Variants in EFR3B observed in about 807,000 individuals in gnomAD.
EFR3B encodes the protein EFR3 homolog B, also known as protein EFR3 homolog B.
In EFR3B, 64 loss-of-function variants were observed where a neutral mutation model predicts 104.7. The observed-to-expected ratio is 0.61, with a 90% CI of 0.50 to 0.75. The LOEUF (loss-of-function observed/expected upper bound fraction) is 0.75, where lower values mean the gene tolerates loss of function less well. Among genes scored for constraint, EFR3B ranks in the 30% least tolerant of loss-of-function variants. EFR3B has a pLI of 0.00. For missense variants in EFR3B, 750 were observed against 1,078.5 expected, an observed-to-expected ratio of 0.70 and a Z score of 4.27; for synonymous variants, 385 against 417.9, an observed-to-expected ratio of 0.92 and a Z score of 0.96.
In EFR3B at chr2:25,156,674, T is replaced by C. The variant is rs775908460; in HGVS notation, c.*2334T>C. ...TCCTGCACCCCCAAGGCTTTTTGGC[T>C]GTGCTTTATGGCCTCTGGCTTATAC... is the stretch of plus-strand genomic sequence containing the variant. On this transcript the variant is annotated 3_prime_UTR_variant, in exon 23 of 23. Coordinates refer to ENST00000403714, the MANE Select transcript of EFR3B (RefSeq NM_014971.2). The C allele has an allele frequency of 8.5e-5, 13 of 152,250 alleles. No homozygotes were observed. Among genetic ancestry groups the C allele is most frequent in the Non-Finnish European group, 1.6e-4 (11 of 68,052 alleles). 9.4% of individuals were successfully genotyped at this position (152,250 alleles called of 1,614,324 possible). A position where few individuals can be genotyped will look rare whatever the true frequency, so the allele number is the denominator to read the frequency against.
rs1317435991 is a variant in EFR3B at position 25,137,324 on chromosome 2, C to T, written c.1561-17C>T. On this transcript the variant is annotated splice_polypyrimidine_tract_variant and intron_variant, in intron 14 of 22. Transcript: ENST00000403714. The surrounding 1 kb of genome is among the most constrained non-coding windows in gnomAD (Gnocchi z 4.7). ...CCATCCCTCCGACCCTGGCCTTCTG[C>T]CCGCTCCTGTCCCCAGCACTCCCAG... The T allele has an allele frequency of 6.4e-7, 1 of 1,551,948 alleles. No homozygotes were observed. The highest frequency in any genetic ancestry group is 2.0e-5 in the Admixed American group (1 of 50,996).
At position 25,130,287 on chromosome 2, in the gene EFR3B, T is replaced by A. The variant is rs1163167854; in HGVS notation, c.770+178T>A. On this transcript the variant is annotated intron_variant, in intron 7 of 22. Coordinates refer to ENST00000403714, the MANE Select transcript of EFR3B (RefSeq NM_014971.2). The surrounding 1 kb of genome is among the most constrained non-coding windows in gnomAD (Gnocchi z 4.6). ...TGTGACAGCAAAAGCTGCCACAGGG[T>A]GGCCAACTGCTGCCAGTAGGAAGGC... Among the ~76,000 whole-genome samples, 1 of 152,148 alleles carries A rather than the reference T, an allele frequency of 6.6e-6. No homozygotes were observed. Among genetic ancestry groups the A allele is most frequent in the Admixed American group, 6.5e-5 (1 of 15,278 alleles).
chr2:25,056,295 C>A (rs925514649), intron 1 of EFR3B, among the ~76,000 whole-genome samples: 1 of 152,128 alleles, frequency 6.6e-6, no homozygotes, highest in Admixed American at 6.6e-5. Flanking sequence ...CGGTTAAGGC[C>A]GTTAGAAGGA....
chr2:25,146,128 A>T (rs896293836), intron 19 of EFR3B: 4 of 149,778 alleles, frequency 2.7e-5, no homozygotes, highest in Admixed American at 2.0e-4. Flanking sequence ...AGTTCACAAG[A>T]AGTACGGAGG....
At chr2:25,045,843 A>G (rs1023207812) in intron 1 of EFR3B, among the ~76,000 whole-genome samples, 3 of 152,044 alleles carry the variant, frequency 2.0e-5, no homozygotes, top group African/African-American at 7.2e-5. Context: ...GGGCTGGAGC[A>G]TCCCGTTTCC....
chr2:25,066,061 T>C (rs1668328687), intron 1 of EFR3B, among the ~76,000 whole-genome samples: 1 of 152,116 alleles, frequency 6.6e-6, no homozygotes, highest in Non-Finnish European at 1.5e-5. Flanking sequence ...TCCTTCTGAC[T>C]TCCTTTCATA....
chr2:25,154,509 T>C lies in EFR3B; in HGVS notation c.*169T>C, dbSNP rs951577958. 10 of 597,088 alleles carry C rather than the reference T, an allele frequency of 1.7e-5. No homozygotes were observed. The highest frequency in any genetic ancestry group is 2.9e-5 in the Non-Finnish European group (10 of 341,858). 37.0% of individuals were successfully genotyped at this position (597,088 alleles called of 1,614,324 possible). On this transcript the variant is annotated 3_prime_UTR_variant, in exon 23 of 23. Coordinates refer to ENST00000403714, the MANE Select transcript of EFR3B (RefSeq NM_014971.2). The surrounding 1 kb of genome is among the most constrained non-coding windows in gnomAD (Gnocchi z 4.1). The stretch of plus-strand genomic sequence containing the variant: ...GAGACTCTCTGGTCCTTCTTGGCCC[T>C]CCTACCTCCTCCTCGTCTTCCCTGA...
At position 25,130,096 on chromosome 2, in the gene EFR3B, A is replaced by G. The variant is rs1488051096; in HGVS notation, c.757A>G (p.Lys253Glu). Residue 253 changes from lysine to glutamate, a missense_variant, in exon 7 of 23, where the codon AAG becomes GAG. By Grantham distance (56) the Lys-to-Glu change is moderately conservative. Coordinates refer to ENST00000403714, the MANE Select transcript of EFR3B (RefSeq NM_014971.2). This position sits in a 1 kb window ranked among gnomAD's most constrained non-coding sequence, Gnocchi z 4.6. ...CTTTGGCAACATCAAAAACGCCATC[A>G]AGCCTGTTCTCATGTGAGTGCCCCC... is the stretch of plus-strand genomic sequence containing the variant. ...AAFGNIKNAI[K>E]PVLIHLDNHS... 2 of 1,551,692 alleles carry G rather than the reference A, an allele frequency of 1.3e-6. No homozygotes were observed. The highest frequency in any genetic ancestry group is 1.4e-5 in the African/African-American group (1 of 73,026).
Position 25,157,260 on chromosome 2 carries a change from T to G in EFR3B, c.*2920T>G, listed in dbSNP as rs1189026694. ...TTGTTTAAACTTACACTCAGTAGAG[T>G]GTTGGGTTGTCTGCTGACATGGAGT... On this transcript the variant is annotated 3_prime_UTR_variant, in exon 23 of 23. Coordinates refer to ENST00000403714, the MANE Select transcript of EFR3B (RefSeq NM_014971.2). 6.6e-6 allele frequency: 1 copy of G among 151,932 alleles called. No individual in the cohort carries two copies. Among genetic ancestry groups the G allele is most frequent in the Non-Finnish European group, 1.5e-5 (1 of 68,006 alleles). 9.4% of individuals were successfully genotyped at this position (151,932 alleles called of 1,614,324 possible). A position where few individuals can be genotyped will look rare whatever the true frequency, so the allele number is the denominator to read the frequency against.
At chr2:25,099,003 A>C (rs1180882962) in intron 3 of EFR3B, among the ~76,000 whole-genome samples, 1 of 151,802 alleles carries the variant, frequency 6.6e-6, no homozygotes, top group Non-Finnish European at 1.5e-5. Flanking sequence ...TCATGTAAAC[A>C]CTGTAATAAT....
At chr2:25,079,999 C>T (rs534702908) in intron 1 of EFR3B, 9 of 992,770 alleles carry the variant, frequency 9.1e-6, no homozygotes, top group East Asian at 4.8e-5. Context: ...TCCTCCAAGT[C>T]GTCACAAGCA....
chr2:25,060,673 C>T (rs1668166626), intron 1 of EFR3B, among the ~76,000 whole-genome samples: 1 of 151,898 alleles, frequency 6.6e-6, no homozygotes, highest in South Asian at 2.1e-4. Context: ...GTAATCCCAG[C>T]ACTTTGGGAG....
intron 1 of EFR3B, among the ~76,000 whole-genome samples, chr2:25,048,516 T>A (rs1667781242): frequency 6.6e-6 from 1 of 152,236 alleles, no homozygotes; most frequent in African/African-American, 2.4e-5. Context: ...AAGCTTTCTG[T>A]GAACTTCGGA....
At chr2:25,097,755 T>C (rs1018090152) in intron 3 of EFR3B, among the ~76,000 whole-genome samples, 1 of 152,178 alleles carries the variant, frequency 6.6e-6, no homozygotes, top group African/African-American at 2.4e-5. Context: ...TACATTTCCC[T>C]TCCAGTTCAA....
intron 1 of EFR3B, among the ~76,000 whole-genome samples, chr2:25,086,121 G>A (rs1390266697): frequency 2.6e-5 from 4 of 151,972 alleles, no homozygotes. Context: ...TTTTAGTGCT[G>A]GATAATATTC....
intron 3 of EFR3B, among the ~76,000 whole-genome samples, chr2:25,102,615 C>G (rs1669456195): frequency 6.6e-6 from 1 of 151,292 alleles, no homozygotes; most frequent in African/African-American, 2.5e-5. Flanking sequence ...ATTCTCTCCA[C>G]CTGGTGCCCC....
chr2:25,045,172 C>A (rs1291527981), intron 1 of EFR3B, among the ~76,000 whole-genome samples: 3 of 152,160 alleles, frequency 2.0e-5, no homozygotes, highest in African/African-American at 7.2e-5. Context: ...TCGGGCACAG[C>A]CTGTTTGTAT....
chr2:25,142,135 C>A (rs1253466321), intron 17 of EFR3B, among the ~76,000 whole-genome samples: 1 of 152,012 alleles, frequency 6.6e-6, no homozygotes, highest in Non-Finnish European at 1.5e-5. Context: ...CCCATCTCTA[C>A]AAAAAATGTT....
intron 20 of EFR3B, among the ~76,000 whole-genome samples, chr2:25,150,304 A>G (rs1185438613): frequency 6.6e-6 from 1 of 151,390 alleles, no homozygotes; most frequent in Non-Finnish European, 1.5e-5. Context: ...CCATCTCAAA[A>G]AAAAAAAAAA....
Sources: gnomAD v4.1 joint callset for allele counts (sites outside exome capture counted in the v4.1 genomes callset) on GRCh38, gnomAD v4.1.1 for gene constraint, Gnocchi (gnomAD v3.1) non-coding constraint, MANE v1.5 for transcripts, NCBI Gene and HGNC (gene_info 2026-07-23, HGNC 2026-07-21) for gene names.